Variants in AKAP13 observed in about 807,000 individuals in gnomAD.
AKAP13 encodes A-kinase anchor protein 13.
A neutral mutation model predicts 264.5 loss-of-function variants in AKAP13; 80 were observed. The observed-to-expected ratio is 0.30, with a 90% CI of 0.25 to 0.36. The LOEUF is 0.36. Ranked by LOEUF, AKAP13 falls within the 10% of genes least tolerant of loss-of-function variation. The pLI is 1.00. For synonymous variants in AKAP13, 1,380 were observed against 1,250.2 expected, an observed-to-expected ratio of 1.10 and a Z score of -2.19; for missense variants, 3,712 against 3,435.2, an observed-to-expected ratio of 1.08 and a Z score of -2.01.
chr15:85,742,794 T>C (rs780453478), intron 35 of AKAP13, among the ~76,000 whole-genome samples: 4 of 152,204 alleles, frequency 2.6e-5, no homozygotes, highest in South Asian at 4.1e-4. Context: ...TTTGATTGAT[T>C]GATCTTGGAC....
intron 23 of AKAP13, 47 bp downstream of exon 23, chr15:85,719,373 G>A: frequency 1.2e-6 from 2 of 1,601,626 alleles, no homozygotes; most frequent in Non-Finnish European, 8.5e-7. Flanking sequence ...TGGGAAAAAG[G>A]GAAGTCATGG....
chr15:85,575,067 G>A lies in AKAP13; in HGVS notation c.663-64G>A, dbSNP rs534675185. 4.0e-6 allele frequency: 6 copies of A among 1,506,422 alleles called. No homozygotes were observed. In the African/African-American group the frequency reaches 6.9e-5, roughly 17 times the overall value. 93.3% of individuals were successfully genotyped at this position (1,506,422 alleles called of 1,614,324 possible). On this transcript the variant is annotated intron_variant, in intron 5 of 36. Transcript: ENST00000394518. Reference sequence around the variant, plus strand: ...GGTTAGAAATACGAAGTAAGACTTAGAACGTTAAGCCTATGCCTGGGAGGC... The same window carrying A: ...GGTTAGAAATACGAAGTAAGACTTAAAACGTTAAGCCTATGCCTGGGAGGC...
chr15:85,383,634 A>T (rs1209738618), intron 1 of AKAP13, among the ~76,000 whole-genome samples: 3 of 152,236 alleles, frequency 2.0e-5, no homozygotes, highest in African/African-American at 7.2e-5. Context: ...CTGAAGGATA[A>T]TGGAAACAAT....
At chr15:85,620,308 G>C in intron 8 of AKAP13, 1 of 780,748 alleles carries the variant, frequency 1.3e-6, no homozygotes, top group South Asian at 1.7e-5. Flanking sequence ...GATGAGGGGT[G>C]AATGTAAGCC....
Position 85,739,377 on chromosome 15 carries a change from G to A in AKAP13, c.7558-845G>A, listed in dbSNP as rs139960015. On this transcript the variant is annotated intron_variant, in intron 33 of 36. Coordinates refer to ENST00000394518, the MANE Select transcript of AKAP13 (RefSeq NM_007200.5). ...TTTATTTGATTTCAAATAAGGTTGAGTAATTTTTAATATGTTATGCTATTG... is the reference window on the plus strand; with the variant it reads ...TTTATTTGATTTCAAATAAGGTTGAATAATTTTTAATATGTTATGCTATTG... Among the ~76,000 whole-genome samples, 1,068 of 152,268 alleles carry A rather than the reference G, an allele frequency of 7.0e-3. 15 individuals carry two copies. The highest frequency in any genetic ancestry group is 0.024 in the African/African-American group (1,000 of 41,548).
intron 4 of AKAP13, among the ~76,000 whole-genome samples, chr15:85,541,899 G>A (rs903738318): frequency 6.6e-6 from 1 of 152,220 alleles, no homozygotes. Flanking sequence ...AGAAGTCAGG[G>A]CATCAGCTTC....
At chr15:85,388,158 C>T (rs913452363) in intron 1 of AKAP13, among the ~76,000 whole-genome samples, 4 of 151,786 alleles carry the variant, frequency 2.6e-5, no homozygotes, top group Non-Finnish European at 5.9e-5. Context: ...GCCTCAGCCT[C>T]CTAAGTAGCT....
At chr15:85,612,203 T>TGTTCTTGGCCCTCAGGTTTTAAAA (rs1303148018) in intron 8 of AKAP13, among the ~76,000 whole-genome samples, 1 of 152,222 alleles carries the variant, frequency 6.6e-6, no homozygotes, top group Non-Finnish European at 1.5e-5. Context: ...CCATGTTTAG[T>TGTTCTTGGCCCTCAGGTTTTAAAA]GTTCTTGGCC....
At chr15:85,730,249 G>A (rs1374225836) in intron 29 of AKAP13, among the ~76,000 whole-genome samples, 1 of 152,218 alleles carries the variant, frequency 6.6e-6, no homozygotes, top group East Asian at 1.9e-4. Context: ...GTAAACAGGG[G>A]ACACGGGAGT....
chr15:85,624,453 C>G (rs1235289311), intron 8 of AKAP13: 1 of 152,052 alleles, frequency 6.6e-6, no homozygotes, highest in Non-Finnish European at 1.5e-5. Flanking sequence ...CACACATTCC[C>G]TAAAAGTTTG....
intron 1 of AKAP13, among the ~76,000 whole-genome samples, chr15:85,394,714 A>ATAAT (rs1440915606): frequency 2.6e-5 from 4 of 152,208 alleles, no homozygotes; most frequent in African/African-American, 9.7e-5. Flanking sequence ...GTTCTGTCAC[A>ATAAT]TAATTGACTG....
chr15:85,579,562 T>C lies in AKAP13; in HGVS notation c.1494T>C (p.Leu498=). The C allele has an allele frequency of 6.2e-7, 1 of 1,614,178 alleles. No homozygotes were observed. Among genetic ancestry groups the C allele is most frequent in the Non-Finnish European group, 8.5e-7 (1 of 1,180,024 alleles). Residue 498 remains leucine, a synonymous_variant, in exon 7 of 37, where the codon CTT becomes CTC. Coordinates refer to ENST00000394518, the MANE Select transcript of AKAP13 (RefSeq NM_007200.5). ...NPDATVWKNV[L]QGGESTKERF... ...ATGCCACTGTTTGGAAGAATGTGCT[T>C]CAGGGAGGGGAAAGTACAAAGGAAA...
chr15:85,522,352 C>A (rs966448782), intron 3 of AKAP13, among the ~76,000 whole-genome samples: 1 of 151,988 alleles, frequency 6.6e-6, no homozygotes, highest in Non-Finnish European at 1.5e-5. Context: ...TAAGTAGATA[C>A]AAGGAGACTG....
At chr15:85,645,705 G>A in intron 9 of AKAP13, 113 bp from the exon 10 acceptor site, 10 of 1,121,286 alleles carry the variant, frequency 8.9e-6, no homozygotes, top group Non-Finnish European at 1.2e-5. Context: ...AGAAAAGAGT[G>A]AGAGAGAGAT....
Position 85,729,304 on chromosome 15 carries a change from ACT to A in AKAP13, c.7088-1206_7088-1205del, listed in dbSNP as rs113516240. ...ACTTCAGCCTGGGTGGCTGAACAAGACTCTGTCTCAAAAAAAAAGAGTCTGGT... is the reference window on the plus strand; with the variant it reads ...ACTTCAGCCTGGGTGGCTGAACAAGACTGTCTCAAAAAAAAAGAGTCTGGT... On this transcript the variant is annotated intron_variant, in intron 29 of 36. Coordinates refer to ENST00000394518, the MANE Select transcript of AKAP13 (RefSeq NM_007200.5). Among the ~76,000 whole-genome samples, 41 of 151,716 alleles carry A rather than the reference ACT, an allele frequency of 2.7e-4. No individual in the cohort carries two copies. In the East Asian group the frequency reaches 6.6e-3, roughly 25 times the overall value.
chr15:85,533,636 C>A lies in AKAP13; in HGVS notation c.234C>A (p.Gly78=). The change falls in exon 4 of 37, where the codon GGC becomes GGA. Residue 78 remains glycine, a synonymous_variant. Transcript: ENST00000394518. ...VKVQLCASKE[G]LPVFVVAEED... is the part of the protein sequence containing the mutation. The stretch of plus-strand genomic sequence containing the variant: ...TGCAGCTCTGTGCTTCCAAAGAGGG[C>A]CTTCCCGTGTTTGTGGTGGCTGAAG... 6.2e-7 allele frequency: 1 copy of A among 1,614,022 alleles called. No homozygotes were observed. The highest frequency in any genetic ancestry group is 8.5e-7 in the Non-Finnish European group (1 of 1,179,944).
intron 8 of AKAP13, among the ~76,000 whole-genome samples, chr15:85,611,767 C>T (rs907913246): frequency 2.0e-5 from 3 of 152,212 alleles, no homozygotes; most frequent in Non-Finnish European, 2.9e-5. Flanking sequence ...CTGGGGCTGG[C>T]CTCATCCTTT....
chr15:85,397,849 A>G (rs908111073), intron 1 of AKAP13, among the ~76,000 whole-genome samples: 8 of 152,250 alleles, frequency 5.3e-5, no homozygotes, highest in African/African-American at 2.4e-5. Flanking sequence ...TTCTTGATTG[A>G]TAGGCAGTAA....
chr15:85,384,339 G>T (rs530345777), intron 1 of AKAP13, among the ~76,000 whole-genome samples: 1 of 152,304 alleles, frequency 6.6e-6, no homozygotes, highest in Non-Finnish European at 1.5e-5. Context: ...CATCCATTTG[G>T]AAGTAGCTTC....
Sources: allele counts gnomAD v4.1 joint callset (sites outside exome capture counted in the v4.1 genomes callset), GRCh38; gene constraint gnomAD v4.1.1; transcripts MANE v1.5; gene names NCBI Gene and HGNC (gene_info 2026-07-23, HGNC 2026-07-21).